The following SYNE2 variants were observed in gnomAD, a reference collection of about 807,000 sequenced individuals.
SYNE2 encodes nesprin-2.
In SYNE2, 431 loss-of-function variants were observed where a neutral mutation model predicts 856.3. That is an observed-to-expected ratio of 0.50 (90% confidence interval 0.47 to 0.55). The LOEUF (loss-of-function observed/expected upper bound fraction) is 0.55. SYNE2 is among the 20% of genes least tolerant of loss of function. The probability of loss-of-function intolerance (pLI) is 0.00; values close to 1 mark genes in which losing one functional copy is unlikely to be tolerated. For missense variants in SYNE2, 8,129 were observed against 8,023.2 expected, an observed-to-expected ratio of 1.01 and a Z score of -0.50; for synonymous variants, 2,923 against 2,872.3, an observed-to-expected ratio of 1.02 and a Z score of -0.56.
At chr14:63,787,998 T>C (rs1373734576) in intron 1 of SYNE2, among the ~76,000 whole-genome samples, 4 of 152,270 alleles carry the variant, frequency 2.6e-5, no homozygotes, top group South Asian at 4.1e-4. Context: ...CCACTTGGCT[T>C]CCACTCTCAG....
At chr14:64,061,157 G>A (rs1193377643) in intron 49 of SYNE2, among the ~76,000 whole-genome samples, 2 of 152,112 alleles carry the variant, frequency 1.3e-5, no homozygotes, top group African/African-American at 4.8e-5. Flanking sequence ...TGTCAAATTC[G>A]GTGTTCCTGT....
chr14:64,130,351 T>G (rs2098002935), intron 76 of SYNE2, 103 bp downstream of exon 76: 5 of 1,063,806 alleles, frequency 4.7e-6, no homozygotes, highest in Non-Finnish European at 7.0e-6. Context: ...TGTTGAAATT[T>G]AAGCTATTCA....
At chr14:64,219,161 A>G (rs1350049347) in intron 109 of SYNE2, 47 bp from the exon 110 acceptor site, 1 of 1,540,388 alleles carries the variant, frequency 6.5e-7, no homozygotes, top group Non-Finnish European at 8.9e-7. Flanking sequence ...AGGCAGAGAA[A>G]TCTGTTGCAT....
At chr14:64,140,858 C>T (rs929915987) in intron 80 of SYNE2, among the ~76,000 whole-genome samples, 14 of 151,362 alleles carry the variant, frequency 9.2e-5, no homozygotes, top group African/African-American at 3.4e-4. Context: ...TTGGTCAATG[C>T]ATTTATGAAA....
rs1433657873 is a variant in SYNE2, at chr14:64,128,509, T to C, written c.13975T>C (p.Ser4659Pro). ...TAAGAGTAAGACATCTTTACAACAG[T>C]CTTTGAATGAAATCAGTGGGCAGAG... ...LIKSKTSLQQ[S>P]LNEISGQSVA... The change falls in exon 74 of 116, where the codon TCT (serine) becomes CCT (proline). Residue 4659 changes from serine to proline, a missense_variant. Physicochemically the swap from Ser to Pro is moderately conservative, Grantham distance 74. Coordinates refer to ENST00000555002, the MANE Select transcript of SYNE2 (RefSeq NM_182914.3). 5.0e-6 allele frequency: 8 copies of C among 1,610,356 alleles called. No homozygotes were observed. The highest frequency in any genetic ancestry group is 2.2e-5 in the East Asian group (1 of 44,870).
In SYNE2 at chr14:64,188,673, A is replaced by G. The variant is rs1481721988; in HGVS notation, c.17836A>G (p.Ile5946Val). ...AAACAAAGTTCTACAGACAGCGGAC[A>G]TTAGTATTGAAGAAATGATTGAAAA... ...MENKVLQTAD[I>V]SIEEMIEKLQ... The change falls in exon 98 of 116, where the codon ATT becomes GTT. Residue 5946 changes from isoleucine (I) to valine (V), a missense_variant. Coordinates refer to ENST00000555002, the MANE Select transcript of SYNE2 (RefSeq NM_182914.3). The G allele has an allele frequency of 6.2e-7, 1 of 1,614,224 alleles. No individual in the cohort carries two copies. Among genetic ancestry groups the G allele is most frequent in the East Asian group, 2.2e-5 (1 of 44,892 alleles).
At chr14:64,088,530 G>A (rs752950373) in intron 58 of SYNE2, among the ~76,000 whole-genome samples, 4 of 152,314 alleles carry the variant, frequency 2.6e-5, no homozygotes, top group Non-Finnish European at 4.4e-5. Context: ...CAGCATTTAC[G>A]GAGGCAGAGG....
chr14:63,929,763 C>T (rs922398418), intron 2 of SYNE2, among the ~76,000 whole-genome samples: 2 of 144,810 alleles, frequency 1.4e-5, no homozygotes, highest in Admixed American at 1.4e-4. Context: ...AAGAGTGAAA[C>T]TGTCTCAAAA....
chr14:63,899,216 T>C (rs1020412371), intron 1 of SYNE2, among the ~76,000 whole-genome samples: 4 of 152,156 alleles, frequency 2.6e-5, no homozygotes, highest in Non-Finnish European at 5.9e-5. Context: ...AGTTTTTTTT[T>C]TTTGAGATGG....
At chr14:64,105,599 G>T (rs565732350) in intron 64 of SYNE2, among the ~76,000 whole-genome samples, 2 of 152,180 alleles carry the variant, frequency 1.3e-5, no homozygotes, top group South Asian at 2.1e-4. Context: ...AGCAATCAAG[G>T]TTGGTTGATT....
intron 1 of SYNE2, among the ~76,000 whole-genome samples, chr14:63,826,657 A>G (rs941745105): frequency 6.6e-6 from 1 of 152,104 alleles, no homozygotes; most frequent in Admixed American, 6.6e-5. Flanking sequence ...ATGCGCAAGA[A>G]TGACACCTAC....
intron 6 of SYNE2, among the ~76,000 whole-genome samples, chr14:63,948,806 A>ATGTGTGTGTGTGTGTG (rs1566885132): frequency 1.9e-5 from 2 of 102,758 alleles, no homozygotes; most frequent in African/African-American, 4.1e-5. Flanking sequence ...ATATATATAT[A>ATGTGTGTGTGTGTGTG]TATATATATA....
intron 1 of SYNE2, among the ~76,000 whole-genome samples, chr14:63,782,149 C>CAAT (rs1887340523): frequency 8.0e-6 from 1 of 124,262 alleles, no homozygotes; most frequent in Non-Finnish European, 1.9e-5. Flanking sequence ...AAAAAAAAAC[C>CAAT]AAAAACAAAA....
intron 1 of SYNE2, among the ~76,000 whole-genome samples, chr14:63,893,706 G>T (rs537667990): frequency 4.1e-4 from 63 of 152,292 alleles, no homozygotes; most frequent in Middle Eastern, 6.8e-3. Context: ...AAGCAAAACA[G>T]CCCTTCTCAC....
At chr14:64,018,664 T>C (rs1432130589) in intron 34 of SYNE2, among the ~76,000 whole-genome samples, 1 of 152,234 alleles carries the variant, frequency 6.6e-6, no homozygotes, top group Non-Finnish European at 1.5e-5. Context: ...ATATAAATGC[T>C]TGAAAGCAGC....
intron 64 of SYNE2, 114 bp downstream of exon 64, chr14:64,102,156 G>T (rs905661585): frequency 5.3e-6 from 4 of 748,472 alleles, no homozygotes; most frequent in African/African-American, 1.7e-5. Context: ...TCGCTCTGTC[G>T]CCCAGACTGG....
At chr14:64,190,657 C>T in intron 99 of SYNE2, 1 of 700,506 alleles carries the variant, frequency 1.4e-6, no homozygotes, top group Non-Finnish European at 2.6e-6. Flanking sequence ...GGGCCCATGA[C>T]TGCCCCACTA....
At chr14:63,778,804 C>T (rs568285174) in intron 1 of SYNE2, among the ~76,000 whole-genome samples, 33 of 152,136 alleles carry the variant, frequency 2.2e-4, no homozygotes, top group African/African-American at 6.7e-4. Context: ...TTTGAGCCAC[C>T]GCACCTGGCC....
At position 63,839,735 on chromosome 14, in the gene SYNE2, A is replaced by T. The variant is rs1889984114; in HGVS notation, c.-304-12766A>T. ...AGATAGATAGATAAATAAAGATTTT[A>T]AAAAATAGATATTTTCTGGATTCTA... On this transcript the variant is annotated intron_variant, in intron 1 of 23. Transcript: ENST00000674003. 4.6e-5 allele frequency among the ~76,000 whole-genome samples: 7 copies of T among 152,164 alleles called. No homozygotes were observed. The South Asian group carries it at 1.4e-3, about 31-fold the overall frequency.
Sources: gnomAD v4.1 joint callset for allele counts (sites outside exome capture counted in the v4.1 genomes callset) on GRCh38, gnomAD v4.1.1 for gene constraint, MANE v1.5 for transcripts, NCBI Gene and HGNC (gene_info 2026-07-23, HGNC 2026-07-21) for gene names.